Variants in PSAP observed in about 807,000 individuals in gnomAD.
PSAP encodes precursor of saposins.
In PSAP, 25 loss-of-function variants were observed where a neutral mutation model predicts 66.0. The observed-to-expected ratio is 0.38, with a 90% confidence interval of 0.28 to 0.53. The LOEUF (loss-of-function observed/expected upper bound fraction) is 0.53. Among genes scored for constraint, PSAP ranks in the 20% least tolerant of loss-of-function variants. PSAP has a pLI of 0.83. For synonymous variants in PSAP, 273 were observed against 258.9 expected (o/e 1.05, Z -0.52); for missense variants, 649 against 668.8 (o/e 0.97, Z 0.33).
Position 71,816,637 on chromosome 10 carries a change from G to A in PSAP, c.*804C>T, listed in dbSNP as rs1302077274. The A allele has an allele frequency of 2.7e-6, 1 of 367,462 alleles. No individual in the cohort carries two copies. The highest frequency in any genetic ancestry group is 2.0e-5 in the South Asian group (1 of 50,662). 22.8% of individuals were successfully genotyped at this position (367,462 alleles called of 1,614,324 possible). On this transcript the variant is annotated 3_prime_UTR_variant, in exon 14 of 14. Transcript: ENST00000394936. ...GCTGAAGCAGCGCCTCAACAGCCAG[G>A]GACATGTAGGCAACACGAGCAGGCA...
chr10:71,831,891 G>A lies in PSAP; in HGVS notation c.204C>T (p.Asp68=), dbSNP rs143981174. 8.0e-3 allele frequency: 12,883 copies of A among 1,613,964 alleles called. 58 individuals carry two copies. The highest frequency in any genetic ancestry group is 9.6e-3 in the Non-Finnish European group (11,369 of 1,179,972). The part of the protein sequence containing the change: ...VKSLPCDICK[D]VVTAAGDMLK... ...GCATATCACCAGCTGCGGTGACAACGTCTTTGCATATGTCGCAGGGAAGGG... is the reference window on the plus strand; with the variant it reads ...GCATATCACCAGCTGCGGTGACAACATCTTTGCATATGTCGCAGGGAAGGG... The change falls in exon 3 of 14, where the codon GAC becomes GAT. Residue 68 remains aspartate, a synonymous_variant. Transcript: ENST00000394936.
chr10:71,835,094 T>C (rs1165187723), intron 1 of PSAP, among the ~76,000 whole-genome samples: 1 of 151,522 alleles, frequency 6.6e-6, no homozygotes, highest in African/African-American at 2.4e-5. Context: ...AAAAAACAAT[T>C]AGCCAGGTGT....
At position 71,828,002 on chromosome 10, in the gene PSAP, C is replaced by T; in HGVS notation, c.720+12G>A. 1 of 1,614,140 alleles carries T rather than the reference C, an allele frequency of 6.2e-7. No individual in the cohort carries two copies. The highest frequency in any genetic ancestry group is 8.5e-7 in the Non-Finnish European group (1 of 1,180,014). ...CCAGAACATCCCCAATGCACAAGGA[C>T]ACAAGGCTCACTATGTCGGCCATGC... On this transcript the variant is annotated intron_variant, in intron 6 of 13. Transcript: ENST00000394936.
intron 1 of PSAP, among the ~76,000 whole-genome samples, chr10:71,849,891 A>T (rs555767859): frequency 6.6e-6 from 1 of 152,262 alleles, no homozygotes; most frequent in East Asian, 1.9e-4. Flanking sequence ...TTCAATACCT[A>T]TGAGAATTAA....
At position 71,851,240 on chromosome 10, in the gene PSAP, A is replaced by G. The variant is rs944360102; in HGVS notation, c.-19T>C. 1 of 1,550,714 alleles carries G rather than the reference A, an allele frequency of 6.4e-7. No individual in the cohort carries two copies. Among genetic ancestry groups the G allele is most frequent in the African/African-American group, 1.4e-5 (1 of 73,062 alleles). The stretch of plus-strand genomic sequence containing the variant: ...CGTACATAGCGCCGTCTGACTCCGC[A>G]GTCTGCAATGCGGAGCGTCAGCTGA... On this transcript the variant is annotated 5_prime_UTR_variant, in exon 1 of 14. Coordinates refer to ENST00000394936, the MANE Select transcript of PSAP (RefSeq NM_002778.4).
intron 7 of PSAP, chr10:71,822,621 GAC>G: frequency 2.1e-6 from 1 of 472,186 alleles, no homozygotes; most frequent in Middle Eastern, 3.2e-4. Context: ...TCACCATTTA[GAC>G]ACCAAACACA....
At chr10:71,849,549 C>T (rs1175036329) in intron 1 of PSAP, among the ~76,000 whole-genome samples, 3 of 151,840 alleles carry the variant, frequency 2.0e-5, no homozygotes, top group African/African-American at 4.8e-5. Context: ...TGCAGTTAGC[C>T]GAGACTACGC....
intron 4 of PSAP, among the ~76,000 whole-genome samples, chr10:71,829,507 T>C (rs555162404): frequency 6.6e-6 from 1 of 152,230 alleles, no homozygotes; most frequent in African/African-American, 2.4e-5. Flanking sequence ...CCTGCTGCCA[T>C]GTAAGATGTG....
intron 1 of PSAP, among the ~76,000 whole-genome samples, chr10:71,847,889 T>C (rs1842850257): frequency 6.6e-6 from 1 of 152,152 alleles, no homozygotes; most frequent in East Asian, 1.9e-4. Flanking sequence ...AAAGAATATA[T>C]ATAACACCTT....
chr10:71,838,777 T>A (rs555511806), intron 1 of PSAP, among the ~76,000 whole-genome samples: 7 of 151,666 alleles, frequency 4.6e-5, no homozygotes, highest in Non-Finnish European at 1.0e-4. Context: ...AGAGAATGAG[T>A]GGCATCATTA....
intron 7 of PSAP, chr10:71,822,632 CAG>C: frequency 2.1e-6 from 1 of 472,274 alleles, no homozygotes; most frequent in South Asian, 1.5e-5. Context: ...ACACCAAACA[CAG>C]AGCACTAGAT....
intron 2 of PSAP, among the ~76,000 whole-genome samples, chr10:71,833,362 G>A (rs944246025): frequency 3.9e-5 from 6 of 152,118 alleles, no homozygotes; most frequent in Admixed American, 1.3e-4. Flanking sequence ...GGAGGCTGAG[G>A]TGGGAGGATT....
chr10:71,818,088 G>A lies in PSAP; in HGVS notation c.1539+529C>T, dbSNP rs76161550. ...AAAGCAACATTAAGTAACAGGGACCGAACCAAACATCCCCACCCAGGGAAG... is the reference window on the plus strand; with the variant it reads ...AAAGCAACATTAAGTAACAGGGACCAAACCAAACATCCCCACCCAGGGAAG... On this transcript the variant is annotated intron_variant, in intron 13 of 13. Coordinates refer to ENST00000394936, the MANE Select transcript of PSAP (RefSeq NM_002778.4). 4.2e-3 allele frequency among the ~76,000 whole-genome samples: 639 copies of A among 152,348 alleles called. 4 individuals are homozygous for A. Among genetic ancestry groups the A allele is most frequent in the African/African-American group, 0.015 (617 of 41,580 alleles).
intron 1 of PSAP, among the ~76,000 whole-genome samples, chr10:71,838,409 G>A (rs559946183): frequency 1.6e-4 from 23 of 141,966 alleles, no homozygotes; most frequent in South Asian, 1.2e-3. Flanking sequence ...GATGAGTGAC[G>A]GGAGAAGGAA....
intron 1 of PSAP, among the ~76,000 whole-genome samples, chr10:71,841,494 A>G (rs544977676): frequency 2.2e-4 from 34 of 152,294 alleles, no homozygotes; most frequent in Non-Finnish European, 3.7e-4. Context: ...TCACGGGAGG[A>G]TATCAGACTG....
At chr10:71,830,363 C>T (rs1842488126) in intron 4 of PSAP, among the ~76,000 whole-genome samples, 1 of 152,254 alleles carries the variant, frequency 6.6e-6, no homozygotes, top group African/African-American at 2.4e-5. Context: ...GTCCACATCA[C>T]ATCTCACTCA....
chr10:71,820,033 C>A (rs1564815647), intron 9 of PSAP, 133 bp from the exon 10 acceptor site: 3 of 958,304 alleles, frequency 3.1e-6, no homozygotes, highest in Non-Finnish European at 4.9e-6. Context: ...AACTACCAAA[C>A]TACAAAGCAG....
At chr10:71,850,818 A>G (rs1042401180) in intron 1 of PSAP, among the ~76,000 whole-genome samples, 1 of 152,242 alleles carries the variant, frequency 6.6e-6, no homozygotes, top group Non-Finnish European at 1.5e-5. Flanking sequence ...ACGTGCGCCC[A>G]GCACAGGCAC....
chr10:71,840,226 G>A (rs944529764), intron 1 of PSAP, among the ~76,000 whole-genome samples: 1 of 151,846 alleles, frequency 6.6e-6, no homozygotes, highest in Non-Finnish European at 1.5e-5. Flanking sequence ...CAGCCTCCCA[G>A]TGCTGACAAT....
Sources: gnomAD v4.1 joint callset for allele counts (sites outside exome capture counted in the v4.1 genomes callset) on GRCh38, gnomAD v4.1.1 for gene constraint, MANE v1.5 for transcripts, NCBI Gene and HGNC (gene_info 2026-07-23, HGNC 2026-07-21) for gene names.